Variants in TMOD1 observed in about 807,000 individuals in gnomAD.
TMOD1 encodes tropomodulin-1.
In TMOD1, 17 loss-of-function variants were observed where a neutral mutation model predicts 40.6. The ratio of observed to expected loss-of-function variants is 0.42; its 90% CI spans 0.29 to 0.63. TMOD1 has a LOEUF of 0.63. Among genes scored for constraint, TMOD1 ranks in the 20% least tolerant of loss-of-function variants. The pLI, the probability that TMOD1 is intolerant of heterozygous loss-of-function variation, is 0.22. For missense variants in TMOD1, 391 were observed against 447.6 expected (o/e 0.87, Z 1.14); for synonymous variants, 181 against 175.0 (o/e 1.03, Z -0.27).
chr9:97,549,130 T>C (rs757874447), intron 3 of TMOD1, among the ~76,000 whole-genome samples: 3 of 152,208 alleles, frequency 2.0e-5, no homozygotes. Context: ...GATGTTTTCA[T>C]TAGAATTAGA....
intron 1 of TMOD1, among the ~76,000 whole-genome samples, chr9:97,511,310 G>A (rs1829693783): frequency 6.6e-6 from 1 of 152,150 alleles, no homozygotes; most frequent in Non-Finnish European, 1.5e-5. Context: ...AACTGCAAAT[G>A]AGCCAGAAAA....
intron 8 of TMOD1, among the ~76,000 whole-genome samples, chr9:97,571,627 C>T (rs917914185): frequency 1.3e-5 from 2 of 152,240 alleles, no homozygotes; most frequent in African/African-American, 4.8e-5. Flanking sequence ...TACAACCCAT[C>T]CCTGTATCAC....
intron 8 of TMOD1, among the ~76,000 whole-genome samples, chr9:97,578,981 G>T (rs2131279898): frequency 6.6e-6 from 1 of 152,314 alleles, no homozygotes; most frequent in South Asian, 2.1e-4. Flanking sequence ...TCAGATGGTT[G>T]CTGTGCCATC....
chr9:97,546,836 G>A (rs544582406), intron 3 of TMOD1, among the ~76,000 whole-genome samples: 51 of 150,170 alleles, frequency 3.4e-4, no homozygotes, highest in African/African-American at 1.2e-3. Flanking sequence ...GGCTGAGGCA[G>A]GAAAATCGCG....
chr9:97,537,995 A>G (rs1314852542), intron 2 of TMOD1, among the ~76,000 whole-genome samples: 1 of 152,132 alleles, frequency 6.6e-6, no homozygotes, highest in East Asian at 1.9e-4. Flanking sequence ...AAATATTTGG[A>G]CTACGTGTCA....
chr9:97,586,191 T>C (rs1411950136), intron 8 of TMOD1, among the ~76,000 whole-genome samples: 2 of 152,086 alleles, frequency 1.3e-5, no homozygotes, highest in Non-Finnish European at 2.9e-5. Context: ...TTGGTGTGGA[T>C]GTCCTTTCTG....
At chr9:97,575,207 A>G (rs567845115) in intron 8 of TMOD1, among the ~76,000 whole-genome samples, 4 of 151,840 alleles carry the variant, frequency 2.6e-5, no homozygotes, top group Admixed American at 2.6e-4. Flanking sequence ...CCACGAACCC[A>G]CTGGGAGGAA....
intron 8 of TMOD1, among the ~76,000 whole-genome samples, chr9:97,584,418 C>A (rs1825823074): frequency 6.6e-6 from 1 of 150,664 alleles, no homozygotes; most frequent in Admixed American, 6.6e-5. Context: ...GCTTTACTTC[C>A]CAGTATGTGG....
chr9:97,512,060 G>A lies in TMOD1; in HGVS notation c.-49+10257G>A, dbSNP rs1292449209. Among the ~76,000 whole-genome samples, 5 of 152,096 alleles carry A rather than the reference G, an allele frequency of 3.3e-5. No individual in the cohort carries two copies. The East Asian group carries it at 9.6e-4, about 29-fold the overall frequency. ...GGAGAGTGTGACCATGTTCCTCCTG[G>A]TCCTTCAACTGTTCTTCATATGACA... On this transcript the variant is annotated intron_variant, in intron 1 of 9. Coordinates refer to ENST00000259365, the MANE Select transcript of TMOD1 (RefSeq NM_003275.4).
chr9:97,546,970 C>T (rs1830371127), intron 3 of TMOD1, among the ~76,000 whole-genome samples: 1 of 149,806 alleles, frequency 6.7e-6, no homozygotes, highest in Non-Finnish European at 1.5e-5. Context: ...GGACATGAAG[C>T]CTAAGCAGGG....
chr9:97,591,202 A>T, intron 8 of TMOD1, 89 bp from the exon 9 acceptor site: 1 of 1,370,654 alleles, frequency 7.3e-7, no homozygotes, highest in African/African-American at 1.5e-5. Context: ...ACTACTCAAG[A>T]GTTTCTGCAG....
chr9:97,518,919 A>G (rs1314482517), intron 1 of TMOD1, among the ~76,000 whole-genome samples: 1 of 152,268 alleles, frequency 6.6e-6, no homozygotes, highest in East Asian at 1.9e-4. Flanking sequence ...TATCTGGGGC[A>G]TAAAGGATGG....
At chr9:97,578,162 TCTC>T (rs1825653920) in intron 8 of TMOD1, among the ~76,000 whole-genome samples, 1 of 152,054 alleles carries the variant, frequency 6.6e-6, no homozygotes, top group South Asian at 2.1e-4. Context: ...TTCAAGCAAT[TCTC>T]CTGCCTCAGC....
intron 8 of TMOD1, among the ~76,000 whole-genome samples, chr9:97,586,264 G>T (rs1157632281): frequency 3.3e-5 from 5 of 152,240 alleles, no homozygotes; most frequent in Admixed American, 2.6e-4. Context: ...AAACCCTGCT[G>T]TGTGACGTGT....
intron 2 of TMOD1, among the ~76,000 whole-genome samples, chr9:97,527,330 C>T (rs183939173): frequency 7.5e-4 from 115 of 152,342 alleles, no homozygotes; most frequent in Admixed American, 1.3e-3. Context: ...TGCTGGGCAC[C>T]AACAGGGCAG....
At chr9:97,576,791 G>A (rs1419712538) in intron 8 of TMOD1, among the ~76,000 whole-genome samples, 1 of 151,916 alleles carries the variant, frequency 6.6e-6, no homozygotes. Flanking sequence ...CCGCCACCAC[G>A]TCCAGCTAAT....
intron 8 of TMOD1, among the ~76,000 whole-genome samples, chr9:97,587,038 T>C (rs1472316439): frequency 6.6e-6 from 1 of 152,220 alleles, no homozygotes; most frequent in East Asian, 1.9e-4. Flanking sequence ...CCCCACCACT[T>C]GGCATAATTC....
At chr9:97,536,182 G>C (rs1421443519) in intron 2 of TMOD1, among the ~76,000 whole-genome samples, 1 of 152,228 alleles carries the variant, frequency 6.6e-6, no homozygotes, top group Non-Finnish European at 1.5e-5. Context: ...GGGACCATAA[G>C]TGCCTAAGTT....
chr9:97,543,565 G>C (rs1830307888), intron 2 of TMOD1, among the ~76,000 whole-genome samples: 1 of 152,216 alleles, frequency 6.6e-6, no homozygotes, highest in South Asian at 2.1e-4. Context: ...TGGAAACTGA[G>C]GCACAATGAG....
Sources: gnomAD v4.1 joint callset for allele counts (sites outside exome capture counted in the v4.1 genomes callset) on GRCh38, gnomAD v4.1.1 for gene constraint, MANE v1.5 for transcripts, NCBI Gene and HGNC (gene_info 2026-07-23, HGNC 2026-07-21) for gene names.